Variants in EHMT1 observed in about 807,000 individuals in gnomAD.
EHMT1 encodes the protein euchromatic histone lysine methyltransferase 1, also known as histone-lysine N-methyltransferase EHMT1.
A neutral mutation model predicts 147.2 loss-of-function variants in EHMT1; 15 were observed. The ratio of observed to expected loss-of-function variants is 0.10; its 90% CI spans 0.07 to 0.16. The LOEUF (loss-of-function observed/expected upper bound fraction) is 0.16, where lower values mean the gene tolerates loss of function less well. Ranked by LOEUF, EHMT1 falls within the 10% of genes least tolerant of loss-of-function variation. The probability of loss-of-function intolerance (pLI) is 1.00; values close to 1 mark genes in which losing one functional copy is unlikely to be tolerated. For synonymous variants in EHMT1, 795 were observed against 709.6 expected (o/e 1.12, Z -1.91); for missense variants, 1,587 against 1,772.4 (o/e 0.90, Z 1.88).
intron 10 of EHMT1, among the ~76,000 whole-genome samples, chr9:137,767,567 C>T (rs939992503): frequency 1.2e-4 from 19 of 152,300 alleles, no homozygotes; most frequent in South Asian, 6.2e-4. Context: ...AATCCCAGCA[C>T]TTTGGGAGGC....
In EHMT1 at chr9:137,828,059, G is replaced by A. The variant is rs977818071; in HGVS notation, c.3541-6290G>A. Among the ~76,000 whole-genome samples the A allele has an allele frequency of 2.0e-5, 3 of 152,170 alleles. No homozygotes were observed. Among genetic ancestry groups the A allele is most frequent in the Non-Finnish European group, 2.9e-5 (2 of 68,020 alleles). ...CGGGGTGGTCGGCCCGGCTGCCATC[G>A]TGGGAGGGACGTGGACGAACGGCAC... On this transcript the variant is annotated intron_variant, in intron 25 of 26. Coordinates refer to ENST00000460843, the MANE Select transcript of EHMT1 (RefSeq NM_024757.5). This position sits in a 1 kb window ranked among gnomAD's most constrained non-coding sequence, Gnocchi z 5.3.
intron 1 of EHMT1, among the ~76,000 whole-genome samples, chr9:137,681,691 C>T (rs1233495564): frequency 1.3e-5 from 2 of 152,100 alleles, no homozygotes; most frequent in African/African-American, 4.8e-5. Flanking sequence ...TCCCATGAGG[C>T]ACAGCTGGTG....
In EHMT1 at chr9:137,743,878, G is replaced by T. The variant is rs369709381; in HGVS notation, c.982-24G>T. 3 of 1,599,410 alleles carry T rather than the reference G, an allele frequency of 1.9e-6. No homozygotes were observed. The East Asian group carries it at 6.7e-5, about 36-fold the overall frequency. ...ATGATGCGCACTGATCCTGCCTTGG[G>T]GTATACACCTGCCCGTGTTCTAGGG... On this transcript the variant is annotated intron_variant, in intron 5 of 26. Transcript: ENST00000460843.
At chr9:137,834,720 TG>T in intron 26 of EHMT1, 52 bp from the exon 27 acceptor site, 1 of 1,612,358 alleles carries the variant, frequency 6.2e-7, no homozygotes, top group East Asian at 2.2e-5. Context: ...ATCTGGCTTG[TG>T]GGAGGTGCCG....
At chr9:137,820,800 T>C (rs1243024576) in intron 25 of EHMT1, among the ~76,000 whole-genome samples, 1 of 152,252 alleles carries the variant, frequency 6.6e-6, no homozygotes, top group African/African-American at 2.4e-5. Context: ...CTGCTGACTG[T>C]TCTTGGCCTG....
rs563023779 is a variant in EHMT1, at chr9:137,823,039, T to A, written c.3540+4901T>A. 1.2e-3 allele frequency among the ~76,000 whole-genome samples: 179 copies of A among 150,884 alleles called. 1 individual carries two copies. The highest frequency in any genetic ancestry group is 4.5e-3 in the East Asian group (22 of 4,900). ...TCTGCCTCCTGGGTTCAAGCGAGTC[T>A]CCTGCTTCAGCCTCCTGAGTAGCTG... On this transcript the variant is annotated intron_variant, in intron 25 of 26. Coordinates refer to ENST00000460843, the MANE Select transcript of EHMT1 (RefSeq NM_024757.5).
At position 137,804,572 on chromosome 9, in the gene EHMT1, T is replaced by A. The variant is rs200079959; in HGVS notation, c.2712+3588T>A. Among the ~76,000 whole-genome samples, 183 of 152,342 alleles carry A rather than the reference T, an allele frequency of 1.2e-3. 3 individuals carry two copies. In the East Asian group the frequency reaches 0.017, roughly 14 times the overall value. On this transcript the variant is annotated intron_variant, in intron 18 of 26. Transcript: ENST00000460843. The stretch of plus-strand genomic sequence containing the variant: ...AAGTGCAGAATTTTAAAAGTTTTTA[T>A]AAAGTTTGGTTTATCAACGTTTTTC...
chr9:137,708,640 C>T (rs1944444538), intron 1 of EHMT1, among the ~76,000 whole-genome samples: 1 of 152,186 alleles, frequency 6.6e-6, no homozygotes, highest in Non-Finnish European at 1.5e-5. Flanking sequence ...TACACATTTA[C>T]ATGTGTTTCG....
rs1589155302 is a variant in EHMT1 at position 137,662,975 on chromosome 9, G to T, written c.21+43926G>T. Reference sequence around the variant, plus strand: ...TGCCCGGCTAATTTTTGTACTTTTAGTAGATACAGGGTTTTGCCATGTTGG... The same window carrying T: ...TGCCCGGCTAATTTTTGTACTTTTATTAGATACAGGGTTTTGCCATGTTGG... On this transcript the variant is annotated intron_variant, in intron 1 of 26. Coordinates refer to ENST00000460843, the MANE Select transcript of EHMT1 (RefSeq NM_024757.5). Among the ~76,000 whole-genome samples, 6 of 151,616 alleles carry T rather than the reference G, an allele frequency of 4.0e-5. No homozygotes were observed. In the South Asian group the frequency reaches 1.2e-3, roughly 32 times the overall value.
chr9:137,717,998 A>G (rs551557591), intron 3 of EHMT1, among the ~76,000 whole-genome samples: 1 of 152,280 alleles, frequency 6.6e-6, no homozygotes, highest in East Asian at 1.9e-4. Flanking sequence ...AGCGCTTCAC[A>G]CACAGGGCGC....
chr9:137,805,135 T>A (rs12344979), intron 18 of EHMT1, among the ~76,000 whole-genome samples: 21,584 of 151,904 alleles, frequency 0.14, 5,014 homozygotes, highest in African/African-American at 0.49. Flanking sequence ...GTGTCTCTCA[T>A]CCGCATGTGT....
intron 3 of EHMT1, among the ~76,000 whole-genome samples, chr9:137,727,299 A>G (rs1946720983): frequency 6.6e-6 from 1 of 152,068 alleles, no homozygotes; most frequent in Non-Finnish European, 1.5e-5. Flanking sequence ...TTTAACTTTG[A>G]TTAAGTCCAG....
chr9:137,702,589 G>A (rs1429058048), intron 1 of EHMT1, among the ~76,000 whole-genome samples: 1 of 152,126 alleles, frequency 6.6e-6, no homozygotes, highest in Non-Finnish European at 1.5e-5. Flanking sequence ...TCCTGCAGCT[G>A]CTTTCATGGG....
chr9:137,659,084 T>C (rs757602783), intron 1 of EHMT1, among the ~76,000 whole-genome samples: 3 of 152,188 alleles, frequency 2.0e-5, no homozygotes, highest in African/African-American at 4.8e-5. Flanking sequence ...TTCTTATTTT[T>C]CTTACTAATG....
At chr9:137,625,188 A>G (rs1018926390) in intron 1 of EHMT1, among the ~76,000 whole-genome samples, 2 of 151,888 alleles carry the variant, frequency 1.3e-5, no homozygotes, top group Non-Finnish European at 1.5e-5. Context: ...GCAAGGCCCA[A>G]TTTCATTCTT....
chr9:137,716,523 G>T (rs1945305899), intron 2 of EHMT1, 103 bp from the exon 3 acceptor site: 5 of 938,136 alleles, frequency 5.3e-6, no homozygotes, highest in Non-Finnish European at 7.9e-6. Context: ...CATGGTGGGG[G>T]AGGAAGTTGT....
intron 1 of EHMT1, among the ~76,000 whole-genome samples, chr9:137,631,252 C>T (rs886935787): frequency 6.6e-6 from 1 of 151,840 alleles, no homozygotes; most frequent in South Asian, 2.1e-4. Context: ...ATTAGCCGGG[C>T]GTGATGGCGG....
At position 137,762,682 on chromosome 9, in the gene EHMT1, C is replaced by T; in HGVS notation, c.1509C>T (p.Ala503=). 1 of 1,614,206 alleles carries T rather than the reference C, an allele frequency of 6.2e-7. No homozygotes were observed. Among genetic ancestry groups the T allele is most frequent in the Non-Finnish European group, 8.5e-7 (1 of 1,180,040 alleles). The part of the protein sequence containing the change: ...GILSSQAEGL[A]NGPDVLETDG... ...GTGTCTGTGTGACGTTAGGGTTGGCCAACGGTCCAGATGTGCTGGAGACAG... is the reference window on the plus strand; with the variant it reads ...GTGTCTGTGTGACGTTAGGGTTGGCTAACGGTCCAGATGTGCTGGAGACAG... Residue 503 remains alanine (A), a synonymous_variant, in exon 10 of 27, where the codon GCC becomes GCT. Coordinates refer to ENST00000460843, the MANE Select transcript of EHMT1 (RefSeq NM_024757.5).
chr9:137,739,147 A>G (rs1185737670), intron 4 of EHMT1, among the ~76,000 whole-genome samples: 1 of 151,298 alleles, frequency 6.6e-6, no homozygotes, highest in African/African-American at 2.4e-5. Context: ...CGAAGCAGGC[A>G]GATCACAAGG....
Sources: gnomAD v4.1 joint callset for allele counts (sites outside exome capture counted in the v4.1 genomes callset) on GRCh38, gnomAD v4.1.1 for gene constraint, Gnocchi (gnomAD v3.1) non-coding constraint, MANE v1.5 for transcripts, NCBI Gene and HGNC (gene_info 2026-07-23, HGNC 2026-07-21) for gene names.